Variants in RUNX1T1 observed in about 807,000 individuals in gnomAD.
RUNX1T1 encodes the protein RUNX1 partner transcriptional co-repressor 1.
Under a neutral mutation model 62.8 loss-of-function variants are expected in RUNX1T1, and 4 were observed. The ratio of observed to expected loss-of-function variants is 0.06; its 90% confidence interval spans 0.03 to 0.15. The LOEUF is 0.15. Ranked by LOEUF, RUNX1T1 falls within the 10% of genes least tolerant of loss-of-function variation. The pLI is 1.00. For missense variants in RUNX1T1, 508 were observed against 754.3 expected (o/e 0.67, Z 3.82); for synonymous variants, 291 against 286.0 (o/e 1.02, Z -0.18).
intron 10 of RUNX1T1, among the ~76,000 whole-genome samples, chr8:91,963,601 G>C (rs995077988): frequency 6.6e-6 from 1 of 152,164 alleles, no homozygotes; most frequent in Non-Finnish European, 1.5e-5. Flanking sequence ...CACAATTCTG[G>C]AAACAGCGGA....
intron 2 of RUNX1T1, among the ~76,000 whole-genome samples, chr8:92,015,279 C>A (rs186160800): frequency 3.9e-5 from 6 of 152,330 alleles, no homozygotes; most frequent in Non-Finnish European, 7.3e-5. Flanking sequence ...GTTTTGTACA[C>A]ACAACTGACA....
chr8:92,056,022 A>G (rs1830978874), intron 1 of RUNX1T1, among the ~76,000 whole-genome samples: 1 of 152,194 alleles, frequency 6.6e-6, no homozygotes, highest in Non-Finnish European at 1.5e-5. Flanking sequence ...TATCCTCATT[A>G]GGACATATTT....
intron 1 of RUNX1T1, among the ~76,000 whole-genome samples, chr8:92,036,571 A>G (rs1827452445): frequency 6.6e-6 from 1 of 152,250 alleles, no homozygotes; most frequent in African/African-American, 2.4e-5. Flanking sequence ...TGAGGGATCA[A>G]CACAGCACCT....
chr8:91,980,846 A>T (rs766799850), intron 8 of RUNX1T1, among the ~76,000 whole-genome samples: 126 of 151,872 alleles, frequency 8.3e-4, no homozygotes, highest in Non-Finnish European at 1.4e-3. Flanking sequence ...TAATTTTTTG[A>T]TTTTTGGTAG....
At chr8:92,013,768 C>A (rs560215924) in intron 3 of RUNX1T1, among the ~76,000 whole-genome samples, 2 of 152,274 alleles carry the variant, frequency 1.3e-5, no homozygotes, top group African/African-American at 4.8e-5. Flanking sequence ...TATGCAAAAA[C>A]CAACAGTTCT....
intron 8 of RUNX1T1, among the ~76,000 whole-genome samples, chr8:91,983,785 A>G (rs1815956624): frequency 6.6e-6 from 1 of 152,228 alleles, no homozygotes; most frequent in African/African-American, 2.4e-5. Flanking sequence ...AATGTAAATG[A>G]TTGTGGCCCA....
chr8:92,034,711 T>C (rs932316493), intron 1 of RUNX1T1, among the ~76,000 whole-genome samples: 1 of 136,738 alleles, frequency 7.3e-6, no homozygotes, highest in South Asian at 2.1e-4. Context: ...TACATATATA[T>C]ACACATATAT....
chr8:92,092,760 T>C (rs1467669614), intron 1 of RUNX1T1, among the ~76,000 whole-genome samples: 1 of 152,198 alleles, frequency 6.6e-6, no homozygotes, highest in Non-Finnish European at 1.5e-5. Context: ...CAAGATGAGG[T>C]CTTAATTGCA....
chr8:92,012,310 A>G (rs937374287), intron 3 of RUNX1T1, among the ~76,000 whole-genome samples: 2 of 152,148 alleles, frequency 1.3e-5, no homozygotes, highest in Non-Finnish European at 2.9e-5. Flanking sequence ...TTGGGAGGCC[A>G]AGGTGGGAGT....
chr8:92,075,399 T>A (rs2130772087), intron 2 of RUNX1T1, among the ~76,000 whole-genome samples: 1 of 152,356 alleles, frequency 6.6e-6, no homozygotes, highest in South Asian at 2.1e-4. Context: ...ATACATTTAG[T>A]TTATATTTGC....
intron 5 of RUNX1T1, chr8:92,004,326 T>C (rs1336995979): frequency 6.6e-6 from 1 of 152,248 alleles, no homozygotes; most frequent in Non-Finnish European, 1.5e-5. Flanking sequence ...AAAAACACTA[T>C]GCAAAATGAT....
intron 10 of RUNX1T1, among the ~76,000 whole-genome samples, chr8:91,966,103 C>CATATATATAT (rs59908043): frequency 8.2e-5 from 12 of 146,408 alleles, no homozygotes; most frequent in African/African-American, 2.8e-4. Context: ...AAACAGCTGG[C>CATATATATAT]ATATATATAT....
intron 8 of RUNX1T1, among the ~76,000 whole-genome samples, chr8:91,983,286 C>T (rs1319016264): frequency 6.6e-6 from 1 of 152,030 alleles, no homozygotes; most frequent in African/African-American, 2.4e-5. Context: ...ATTTTACTAA[C>T]CCCCTATACT....
chr8:91,958,124 T>C (rs899860622), downstream of RUNX1T1: 2 of 118,338 alleles, frequency 1.7e-5, no homozygotes, highest in Non-Finnish European at 3.2e-5. Context: ...AGCTAATGGA[T>C]TGTTTTTGAT....
intron 1 of RUNX1T1, among the ~76,000 whole-genome samples, chr8:92,026,675 A>G (rs561806674): frequency 1.7e-4 from 25 of 150,996 alleles, no homozygotes; most frequent in African/African-American, 6.1e-4. Context: ...TGAAAAAATT[A>G]GCCTGGCCTG....
chr8:91,996,064 G>A (rs2920463), intron 5 of RUNX1T1, among the ~76,000 whole-genome samples: 36,988 of 152,058 alleles, frequency 0.24, 4,847 homozygotes, highest in African/African-American at 0.34. Context: ...CAAAATTAGC[G>A]AAGACTTTTC....
intron 1 of RUNX1T1, among the ~76,000 whole-genome samples, chr8:92,043,515 A>C (rs1828838830): frequency 6.6e-6 from 1 of 151,966 alleles, no homozygotes; most frequent in African/African-American, 2.4e-5. Flanking sequence ...TTTACATAAA[A>C]TTTTAAAATA....
downstream of RUNX1T1, chr8:91,955,098 GAC>G (rs1395206399): frequency 1.4e-5 from 3 of 212,512 alleles, no homozygotes; most frequent in Non-Finnish European, 1.9e-5. Context: ...TTTCACGGGA[GAC>G]ACATACTTTT....
At chr8:92,004,946 A>G (rs371419926) in intron 5 of RUNX1T1, 170 bp downstream of exon 6, 5 of 593,500 alleles carry the variant, frequency 8.4e-6, no homozygotes, top group Admixed American at 3.5e-5. Flanking sequence ...GAGATTCAAA[A>G]CTCTGTAAAA....
Sources: allele counts gnomAD v4.1 joint callset (sites outside exome capture counted in the v4.1 genomes callset), GRCh38; gene constraint gnomAD v4.1.1; transcripts MANE v1.5; gene names NCBI Gene and HGNC (gene_info 2026-07-23, HGNC 2026-07-21).